Variants in IGF1 observed in about 807,000 individuals in gnomAD.
IGF1 encodes the protein insulin-like growth factor 1.
A neutral mutation model predicts 13.8 loss-of-function variants in IGF1; 4 were observed. The observed-to-expected ratio is 0.29, with a 90% CI of 0.14 to 0.66. The LOEUF is 0.66. IGF1 is among the 30% of genes least tolerant of loss of function. IGF1 has a pLI of 0.78. For missense variants in IGF1, 124 were observed against 188.5 expected (o/e 0.66, Z 2.00); for synonymous variants, 76 against 72.6 (o/e 1.05, Z -0.23).
chr12:102,441,170 C>G (rs1404087326), intron 2 of IGF1, among the ~76,000 whole-genome samples: 1 of 152,130 alleles, frequency 6.6e-6, no homozygotes, highest in Non-Finnish European at 1.5e-5. Flanking sequence ...TCTCTGAAAC[C>G]AAAGTCAATC....
At chr12:102,456,805 A>T (rs1181412151) in intron 2 of IGF1, among the ~76,000 whole-genome samples, 1 of 152,208 alleles carries the variant, frequency 6.6e-6, no homozygotes, top group East Asian at 1.9e-4. Flanking sequence ...AAGGAATGAC[A>T]GTCCCCACGT....
intron 3 of IGF1, among the ~76,000 whole-genome samples, chr12:102,403,950 A>G (rs1053467448): frequency 6.6e-6 from 1 of 152,190 alleles, no homozygotes; most frequent in African/African-American, 2.4e-5. Context: ...GATGTGCAGA[A>G]CTAAGTCATT....
chr12:102,457,876 A>G (rs891156231), intron 2 of IGF1, among the ~76,000 whole-genome samples: 2 of 152,146 alleles, frequency 1.3e-5, no homozygotes, highest in African/African-American at 4.8e-5. Flanking sequence ...TGGGAGCATG[A>G]TGGGTGTTCA....
chr12:102,475,846 C>A (rs1452408191), intron 1 of IGF1, 47 bp from the exon 2 acceptor site: 1 of 1,572,982 alleles, frequency 6.4e-7, no homozygotes, highest in East Asian at 2.3e-5. Flanking sequence ...TTGATCCTTG[C>A]AAGGGGAGTG....
intron 3 of IGF1, among the ~76,000 whole-genome samples, chr12:102,409,491 A>G (rs1874449219): frequency 6.6e-6 from 1 of 152,232 alleles, no homozygotes; most frequent in African/African-American, 2.4e-5. Flanking sequence ...AATGGAGTTC[A>G]GGTCAACAGC....
At chr12:102,436,526 G>A (rs776793682) in intron 2 of IGF1, among the ~76,000 whole-genome samples, 3 of 152,062 alleles carry the variant, frequency 2.0e-5, no homozygotes, top group Non-Finnish European at 2.9e-5. Flanking sequence ...ATGGAGAGAA[G>A]CCAAAAAGGC....
intron 1 of IGF1, among the ~76,000 whole-genome samples, chr12:102,477,966 T>C (rs1881164975): frequency 6.6e-6 from 1 of 151,050 alleles, no homozygotes; most frequent in Non-Finnish European, 1.5e-5. Context: ...CTTAAGAATT[T>C]AAGATTTTTT....
At chr12:102,406,384 A>G (rs1456328667) in intron 3 of IGF1, among the ~76,000 whole-genome samples, 1 of 152,244 alleles carries the variant, frequency 6.6e-6, no homozygotes, top group Non-Finnish European at 1.5e-5. Flanking sequence ...AAACTGTCTC[A>G]CATTCAGTCA....
At chr12:102,464,198 A>T (rs192257883) in intron 2 of IGF1, among the ~76,000 whole-genome samples, 2 of 152,204 alleles carry the variant, frequency 1.3e-5, no homozygotes, top group East Asian at 1.9e-4. Flanking sequence ...AGGGTCCAGT[A>T]GCCTTTGAAA....
At chr12:102,449,949 G>A (rs761214659) in intron 2 of IGF1, among the ~76,000 whole-genome samples, 12 of 152,006 alleles carry the variant, frequency 7.9e-5, no homozygotes, top group Non-Finnish European at 1.3e-4. Flanking sequence ...TTCTCCTTTC[G>A]TCTCATCCAG....
At chr12:102,471,994 A>G (rs1257640284) in intron 2 of IGF1, among the ~76,000 whole-genome samples, 1 of 152,174 alleles carries the variant, frequency 6.6e-6, no homozygotes, top group African/African-American at 2.4e-5. Flanking sequence ...TTTTTCATGC[A>G]AAATGAGGTT....
intron 2 of IGF1, among the ~76,000 whole-genome samples, chr12:102,449,859 T>G (rs1878760708): frequency 6.6e-6 from 1 of 152,024 alleles, no homozygotes; most frequent in Non-Finnish European, 1.5e-5. Context: ...CTAAGCCTTG[T>G]CATATTATAT....
chr12:102,413,108 C>T (rs956528007), intron 3 of IGF1, among the ~76,000 whole-genome samples: 3 of 152,212 alleles, frequency 2.0e-5, no homozygotes, highest in Non-Finnish European at 4.4e-5. Flanking sequence ...GAATCAGTAA[C>T]TGGGCTTTAA....
chr12:102,447,707 G>C (rs1308781287), intron 2 of IGF1, among the ~76,000 whole-genome samples: 1 of 152,014 alleles, frequency 6.6e-6, no homozygotes, highest in Non-Finnish European at 1.5e-5. Flanking sequence ...AGGGCATTTA[G>C]CCCATTTCCA....
chr12:102,417,971 C>T, intron 3 of IGF1: 1 of 1,613,178 alleles, frequency 6.2e-7, no homozygotes, highest in Non-Finnish European at 8.5e-7. Context: ...TTCTCTGAGA[C>T]TTCGTGTTCT....
chr12:102,478,644 A>C (rs1881220275), intron 1 of IGF1: 1 of 1,437,282 alleles, frequency 7.0e-7, no homozygotes, highest in Admixed American at 2.3e-5. Flanking sequence ...ACACCCAGGC[A>C]GGTATGCTAT....
At chr12:102,436,679 A>G (rs1877251175) in intron 2 of IGF1, among the ~76,000 whole-genome samples, 1 of 152,188 alleles carries the variant, frequency 6.6e-6, no homozygotes, top group Non-Finnish European at 1.5e-5. Flanking sequence ...AAAGCAGAGG[A>G]CATTTAATTT....
intron 2 of IGF1, among the ~76,000 whole-genome samples, chr12:102,466,156 A>G (rs566925368): frequency 1.3e-5 from 2 of 152,300 alleles, no homozygotes; most frequent in Admixed American, 6.5e-5. Flanking sequence ...TAAATAGCCT[A>G]TAGGAAGAAC....
chr12:102,436,705 ATAAT>A (rs2137072974), intron 2 of IGF1, among the ~76,000 whole-genome samples: 1 of 152,358 alleles, frequency 6.6e-6, no homozygotes, highest in Non-Finnish European at 1.5e-5. Flanking sequence ...AAAAAAAATT[ATAAT>A]TTTTTATTTA....
Sources: gnomAD v4.1 joint callset for allele counts (sites outside exome capture counted in the v4.1 genomes callset) on GRCh38, gnomAD v4.1.1 for gene constraint, MANE v1.5 for transcripts, NCBI Gene and HGNC (gene_info 2026-07-23, HGNC 2026-07-21) for gene names.